Variants in AMZ1 observed in about 807,000 individuals in gnomAD.
AMZ1 encodes archaemetzincin-1.
A neutral mutation model predicts 29.9 loss-of-function variants in AMZ1; 39 were observed. The ratio of observed to expected loss-of-function variants is 1.30; its 90% CI spans 1.01 to 1.70. The LOEUF is 1.70. Ranked by LOEUF, AMZ1 falls within the 40% of genes most tolerant of loss-of-function variation. The pLI is 0.00. For synonymous variants in AMZ1, 458 were observed against 304.0 expected (o/e 1.51, Z -5.27); for missense variants, 1,041 against 680.6 (o/e 1.53, Z -5.89).
chr7:2,740,832 C>T lies in AMZ1; in HGVS notation n.551-23880C>T, dbSNP rs548467970. Among the ~76,000 whole-genome samples, 8 of 152,264 alleles carry T rather than the reference C, an allele frequency of 5.3e-5. 1 individual carries two copies. Among genetic ancestry groups the T allele is most frequent in the South Asian group, 2.1e-4 (1 of 4,830 alleles). On this transcript the variant is annotated intron_variant and non_coding_transcript_variant, in intron 4 of 4. Transcript: ENST00000489665. Reference sequence around the variant, plus strand: ...GGCCGAGGCGGACGGATCACGAGGTCGAGAGATCTAGACCATCCTGACTAG... The same window carrying T: ...GGCCGAGGCGGACGGATCACGAGGTTGAGAGATCTAGACCATCCTGACTAG...
chr7:2,686,221 G>C (rs1165142487), upstream of AMZ1, among the ~76,000 whole-genome samples: 2 of 152,210 alleles, frequency 1.3e-5, no homozygotes, highest in Non-Finnish European at 2.9e-5. Flanking sequence ...AACGCAGTAT[G>C]TGACGTGAAT....
rs1435449686 is a variant in AMZ1, at chr7:2,718,123, C to T, written c.*5245C>T. Among the ~76,000 whole-genome samples, 2 of 152,202 alleles carry T rather than the reference C, an allele frequency of 1.3e-5. No homozygotes were observed. The highest frequency in any genetic ancestry group is 4.8e-5 in the African/African-American group (2 of 41,442). On this transcript the variant is annotated 3_prime_UTR_variant, in exon 7 of 7. Coordinates refer to ENST00000683327, the MANE Select transcript of AMZ1 (RefSeq NM_001384743.1). ...AGACGACACCTACCAGATTCCACCA[C>T]TGAGGCCTCCCTCGATGCCTGCTCC...
At chr7:2,710,878 C>A (rs1476351350) in intron 6 of AMZ1, among the ~76,000 whole-genome samples, 2 of 152,230 alleles carry the variant, frequency 1.3e-5, no homozygotes, top group Non-Finnish European at 2.9e-5. Context: ...GTTGCTGCTG[C>A]CAGCTGTGCC....
upstream of AMZ1, among the ~76,000 whole-genome samples, chr7:2,685,951 A>G (rs1374292918): frequency 6.6e-6 from 1 of 152,050 alleles, no homozygotes; most frequent in Non-Finnish European, 1.5e-5. Context: ...CTGCGGCAAC[A>G]CGTGTGAAGA....
intron 1 of AMZ1, among the ~76,000 whole-genome samples, chr7:2,695,547 C>T (rs543886464): frequency 5.9e-5 from 7 of 119,226 alleles, no homozygotes; most frequent in South Asian, 6.0e-4. Flanking sequence ...TGAGACTCTT[C>T]TCTACAAAAA....
rs1482498866 is a variant in AMZ1 at position 2,717,064 on chromosome 7, A to G, written c.*4186A>G. Among the ~76,000 whole-genome samples the G allele has an allele frequency of 2.0e-5, 3 of 152,182 alleles. No homozygotes were observed. The highest frequency in any genetic ancestry group is 2.9e-5 in the Non-Finnish European group (2 of 68,030). On this transcript the variant is annotated 3_prime_UTR_variant, in exon 7 of 7. Coordinates refer to ENST00000683327, the MANE Select transcript of AMZ1 (RefSeq NM_001384743.1). ...GCACCCTGATCCCTGAGCAGCCCCC[A>G]CACACCGGCACCCACGCCCCTCGGT... is the stretch of plus-strand genomic sequence containing the variant.
At chr7:2,694,815 G>A (rs1289723987) in intron 1 of AMZ1, among the ~76,000 whole-genome samples, 3 of 152,030 alleles carry the variant, frequency 2.0e-5, no homozygotes, top group Admixed American at 6.6e-5. Flanking sequence ...TGGGATTACA[G>A]GCATGTGCCA....
chr7:2,752,350 C>T (rs1349345181), intron 4 of AMZ1, among the ~76,000 whole-genome samples: 1 of 152,104 alleles, frequency 6.6e-6, no homozygotes, highest in Non-Finnish European at 1.5e-5. Flanking sequence ...CATGGTGGAC[C>T]ACTGAGTACT....
chr7:2,736,745 C>A (rs1026230058), intron 4 of AMZ1, among the ~76,000 whole-genome samples: 1 of 152,226 alleles, frequency 6.6e-6, no homozygotes, highest in Non-Finnish European at 1.5e-5. Context: ...GACACACGCT[C>A]GGCTTGCTGC....
upstream of AMZ1, chr7:2,763,191 A>AACACACACACACACACACAC (rs56384682): frequency 2.8e-3 from 618 of 222,694 alleles, 9 homozygotes; most frequent in African/African-American, 4.2e-3. Flanking sequence ...AAGACACCCC[A>AACACACACACACACACACAC]ACACACACAC....
rs773585278 is a variant in AMZ1, at chr7:2,731,721, C to T, written n.550+21905C>T. 41 of 1,561,206 alleles carry T rather than the reference C, an allele frequency of 2.6e-5. No homozygotes were observed. The South Asian group carries it at 4.7e-4, about 18-fold the overall frequency. Reference sequence around the variant, plus strand: ...TTCCCTTGGTGGCTTTCCTAGCCAGCAGGATATCTTGCTTACTAGGAAAGT... The same window carrying T: ...TTCCCTTGGTGGCTTTCCTAGCCAGTAGGATATCTTGCTTACTAGGAAAGT... On this transcript the variant is annotated intron_variant and non_coding_transcript_variant, in intron 4 of 4. Coordinates refer to the AMZ1 transcript ENST00000489665. This position sits in a 1 kb window ranked among gnomAD's most constrained non-coding sequence, Gnocchi z 6.0.
chr7:2,730,167 C>A (rs1460610170), intron 4 of AMZ1: 1 of 152,398 alleles, frequency 6.6e-6, no homozygotes, highest in East Asian at 1.9e-4. Context: ...TTAACAAAAG[C>A]TCTGCTAGTG....
At chr7:2,742,923 G>C (rs1474330405) in intron 4 of AMZ1, among the ~76,000 whole-genome samples, 1 of 152,150 alleles carries the variant, frequency 6.6e-6, no homozygotes, top group Non-Finnish European at 1.5e-5. Flanking sequence ...TCTAATAATA[G>C]ACCTGTAGGT....
chr7:2,700,083 C>T (rs1412994260), intron 1 of AMZ1, among the ~76,000 whole-genome samples, 151 bp from the exon 2 acceptor site: 1 of 151,770 alleles, frequency 6.6e-6, no homozygotes, highest in Admixed American at 6.6e-5. Context: ...GGTGGCAGTG[C>T]TGTGTCCTGG....
chr7:2,759,762 C>T (rs1791470595), upstream of AMZ1, among the ~76,000 whole-genome samples: 1 of 152,194 alleles, frequency 6.6e-6, no homozygotes, highest in South Asian at 2.1e-4. Flanking sequence ...AGAAAAAACA[C>T]AGACTGAAGG....
chr7:2,703,651 C>G (rs1056645175), intron 3 of AMZ1, among the ~76,000 whole-genome samples: 1 of 152,106 alleles, frequency 6.6e-6, no homozygotes, highest in African/African-American at 2.4e-5. Flanking sequence ...TAGGGAGGGC[C>G]TCAAAGGGGC....
intron 1 of AMZ1, among the ~76,000 whole-genome samples, chr7:2,693,646 C>T (rs1787537374): frequency 6.6e-6 from 1 of 152,214 alleles, no homozygotes; most frequent in African/African-American, 2.4e-5. Context: ...AGCTCCGCCT[C>T]CCGGGTTCAC....
intron 4 of AMZ1, among the ~76,000 whole-genome samples, chr7:2,757,417 G>A (rs1223939773): frequency 6.6e-6 from 1 of 152,148 alleles, no homozygotes; most frequent in East Asian, 1.9e-4. Flanking sequence ...GAGGAGCCAC[G>A]TGGCAAGGAA....
intron 4 of AMZ1, among the ~76,000 whole-genome samples, chr7:2,754,495 C>T (rs149708629): frequency 1.3e-3 from 201 of 152,030 alleles, no homozygotes; most frequent in African/African-American, 4.6e-3. Flanking sequence ...GTAATCCCAG[C>T]ACTTTGGGAG....
Sources: gnomAD v4.1 joint callset for allele counts (sites outside exome capture counted in the v4.1 genomes callset) on GRCh38, gnomAD v4.1.1 for gene constraint, Gnocchi (gnomAD v3.1) non-coding constraint, MANE v1.5 for transcripts, NCBI Gene and HGNC (gene_info 2026-07-23, HGNC 2026-07-21) for gene names.